The following MKRN1 variants were observed in gnomAD, a reference collection of about 807,000 sequenced individuals.
MKRN1 encodes E3 ubiquitin-protein ligase makorin-1.
In MKRN1, 9 loss-of-function variants were observed where a neutral mutation model predicts 55.5. The ratio of observed to expected loss-of-function variants is 0.16; its 90% CI spans 0.10 to 0.28. The LOEUF (loss-of-function observed/expected upper bound fraction) is 0.28, where lower values mean the gene tolerates loss of function less well. MKRN1 is among the 10% of genes least tolerant of loss of function. The pLI is 1.00. For missense variants in MKRN1, 488 were observed against 626.7 expected (o/e 0.78, Z 2.36); for synonymous variants, 253 against 235.9 (o/e 1.07, Z -0.66).
chr7:140,479,368 G>A lies in MKRN1; in HGVS notation c.-24C>T. The A allele has an allele frequency of 1.6e-6, 2 of 1,280,312 alleles. No homozygotes were observed. The highest frequency in any genetic ancestry group is 2.0e-6 in the Non-Finnish European group (2 of 1,006,708). The allele number at this position is 1,280,312 out of a possible 1,614,324, so 79.3% of individuals were successfully genotyped here. A position where few individuals can be genotyped will look rare whatever the true frequency, so the allele number is the denominator to read the frequency against. Reference sequence around the variant, plus strand: ...ATTACTGTTTATCCCACACAGCAAAGGCCCCGGAACTTCCGGGATCACATA... The same window carrying A: ...ATTACTGTTTATCCCACACAGCAAAAGCCCCGGAACTTCCGGGATCACATA... On this transcript the variant is annotated 5_prime_UTR_variant, in exon 1 of 8. Coordinates refer to ENST00000255977, the MANE Select transcript of MKRN1 (RefSeq NM_013446.4).
chr7:140,467,274 G>A (rs1327593366), intron 2 of MKRN1, among the ~76,000 whole-genome samples: 2 of 150,986 alleles, frequency 1.3e-5, no homozygotes, highest in East Asian at 2.0e-4. Context: ...AAGCCCAGCC[G>A]CCCCCTCCCC....
At chr7:140,474,052 A>AGAAAGAAG (rs1795038053) in intron 1 of MKRN1, among the ~76,000 whole-genome samples, 1 of 126,278 alleles carries the variant, frequency 7.9e-6, no homozygotes. Context: ...AAAGAAAGAA[A>AGAAAGAAG]GAAAGAAAGA....
chr7:140,458,936 C>G, intron 4 of MKRN1, 71 bp downstream of exon 4: 1 of 1,499,854 alleles, frequency 6.7e-7, no homozygotes. Flanking sequence ...CTGAAATAAA[C>G]CCACAATGCT....
chr7:140,474,492 C>CA lies in MKRN1; in HGVS notation c.186-2482dup, dbSNP rs10709936. On this transcript the variant is annotated intron_variant, in intron 1 of 7. Transcript: ENST00000255977. ...GGATCACGCCACTGAGACTCCGTCTCAAAAAAAAAATAAATAAATAAAAGG... is the reference window on the plus strand; with the variant it reads ...GGATCACGCCACTGAGACTCCGTCTCAAAAAAAAAAATAAATAAATAAAAGG... 7.5e-3 allele frequency: 1,986 copies of CA among 265,812 alleles called. 3 individuals carry two copies. The highest frequency in any genetic ancestry group is 0.014 in the African/African-American group (587 of 42,674). 16.5% of individuals were successfully genotyped at this position (265,812 alleles called of 1,614,324 possible). A position where few individuals can be genotyped will look rare whatever the true frequency, so the allele number is the denominator to read the frequency against.
At chr7:140,466,038 G>T (rs756931108) in intron 2 of MKRN1, among the ~76,000 whole-genome samples, 20 of 151,864 alleles carry the variant, frequency 1.3e-4, no homozygotes, top group Non-Finnish European at 1.8e-4. Context: ...CCGAGATCAC[G>T]CCACTGCACT....
At chr7:140,468,551 A>G (rs1043146543) in intron 2 of MKRN1, among the ~76,000 whole-genome samples, 1 of 151,842 alleles carries the variant, frequency 6.6e-6, no homozygotes, top group Non-Finnish European at 1.5e-5. Context: ...AAATGCAAAA[A>G]TTAGCTGGGT....
In MKRN1 at chr7:140,455,862, A is replaced by G; in HGVS notation, c.1025T>C (p.Ile342Thr). 3.1e-6 allele frequency: 5 copies of G among 1,614,134 alleles called. No individual in the cohort carries two copies. Among genetic ancestry groups the G allele is most frequent in the Non-Finnish European group, 4.2e-6 (5 of 1,180,002 alleles). The change falls in exon 6 of 8, where the codon ATT (isoleucine) becomes ACT (threonine). Residue 342 changes from isoleucine to threonine, a missense_variant. Physicochemically the swap from Ile to Thr is moderately conservative, Grantham distance 89. Transcript: ENST00000255977. ...PECRITSNFVIPSEYWVEEKE... is the reference protein window; with the variant it reads ...PECRITSNFVTPSEYWVEEKE... Reference sequence around the variant, plus strand: ...CTCCTCCACCCAGTACTCACTTGGAATGACAAAGTTAGATGTGATCCGGCA... The same window carrying G: ...CTCCTCCACCCAGTACTCACTTGGAGTGACAAAGTTAGATGTGATCCGGCA...
chr7:140,479,358 A>T lies in MKRN1; in HGVS notation c.-14T>A, dbSNP rs1795224874. 7.8e-7 allele frequency: 1 copy of T among 1,287,002 alleles called. No homozygotes were observed. The highest frequency in any genetic ancestry group is 2.7e-5 in the South Asian group (1 of 37,342). 79.7% of individuals were successfully genotyped at this position (1,287,002 alleles called of 1,614,324 possible). On this transcript the variant is annotated 5_prime_UTR_variant, in exon 1 of 8. Coordinates refer to ENST00000255977, the MANE Select transcript of MKRN1 (RefSeq NM_013446.4). ...AGCCTCCGCCATTACTGTTTATCCC[A>T]CACAGCAAAGGCCCCGGAACTTCCG...
At position 140,455,249 on chromosome 7, in the gene MKRN1, T is replaced by C. The variant is rs1335777122; in HGVS notation, c.1098-16A>G. On this transcript the variant is annotated splice_polypyrimidine_tract_variant and intron_variant, in intron 6 of 7. Coordinates refer to ENST00000255977, the MANE Select transcript of MKRN1 (RefSeq NM_013446.4). ...CGCCTTGTTGCTGGAAAGGAAAATATCGCAACCCTTATTCACAGTGGATTT... is the reference window on the plus strand; with the variant it reads ...CGCCTTGTTGCTGGAAAGGAAAATACCGCAACCCTTATTCACAGTGGATTT... 1.9e-6 allele frequency: 3 copies of C among 1,613,972 alleles called. No individual in the cohort carries two copies. Among genetic ancestry groups the C allele is most frequent in the Non-Finnish European group, 2.5e-6 (3 of 1,179,948 alleles).
chr7:140,466,590 G>C lies in MKRN1; in HGVS notation c.314+5293C>G, dbSNP rs528541189. Among the ~76,000 whole-genome samples, 431 of 151,354 alleles carry C rather than the reference G, an allele frequency of 2.8e-3. 3 individuals are homozygous for C. The highest frequency in any genetic ancestry group is 0.01 in the African/African-American group (422 of 41,242). ...GAGGCCGAGGCGGGTGGATCATGAG[G>C]TCAGGAGATCGAGACCATCCTGGCT... On this transcript the variant is annotated intron_variant, in intron 2 of 7. Transcript: ENST00000255977.
chr7:140,477,045 T>TA (rs1173978968), intron 1 of MKRN1, among the ~76,000 whole-genome samples: 2 of 138,832 alleles, frequency 1.4e-5, no homozygotes, highest in African/African-American at 5.6e-5. Context: ...TTGTGGTAAG[T>TA]AGAGATCACA....
intron 4 of MKRN1, among the ~76,000 whole-genome samples, chr7:140,458,336 A>T (rs1794524645): frequency 6.6e-6 from 1 of 152,214 alleles, no homozygotes; most frequent in Admixed American, 6.5e-5. Context: ...CAAAACTAAG[A>T]ACGGCTACAC....
chr7:140,477,014 A>G (rs966903843), intron 1 of MKRN1, among the ~76,000 whole-genome samples: 2 of 151,420 alleles, frequency 1.3e-5, no homozygotes, highest in African/African-American at 4.9e-5. Flanking sequence ...AGGAGAATCA[A>G]TTAAACCTGG....
In MKRN1 at chr7:140,471,871, A is replaced by T; in HGVS notation, c.314+12T>A. On this transcript the variant is annotated intron_variant, in intron 2 of 7. Transcript: ENST00000255977. ...AACCCACCCCTGAACAAATTTATAA[A>T]CAAATTCTTACCTGCAGCGGTCTCC... 6.2e-7 allele frequency: 1 copy of T among 1,611,180 alleles called. No individual in the cohort carries two copies. Among genetic ancestry groups the T allele is most frequent in the Non-Finnish European group, 8.5e-7 (1 of 1,179,198 alleles).
chr7:140,466,499 T>C (rs1472473133), intron 2 of MKRN1, among the ~76,000 whole-genome samples: 1 of 152,120 alleles, frequency 6.6e-6, no homozygotes, highest in African/African-American at 2.4e-5. Context: ...ACCCCGTCTC[T>C]ACAAACAGAA....
intron 2 of MKRN1, among the ~76,000 whole-genome samples, chr7:140,470,802 A>G (rs1430922456): frequency 1.3e-5 from 2 of 151,684 alleles, no homozygotes; most frequent in African/African-American, 4.9e-5. Context: ...ATGTAATCCC[A>G]TCTACTTGGG....
Position 140,463,358 on chromosome 7 carries a change from C to CT in MKRN1, c.315-3423dup, listed in dbSNP as rs1253857683. 4.6e-5 allele frequency among the ~76,000 whole-genome samples: 7 copies of CT among 152,312 alleles called. No homozygotes were observed. In the South Asian group the frequency reaches 6.2e-4, roughly 14 times the overall value. ...ATGGGGTTCTAGGTCTAATGGGACT[C>CT]TAAAGCTGCTCTATACAGTACAGCC... On this transcript the variant is annotated intron_variant, in intron 2 of 7. Coordinates refer to ENST00000255977, the MANE Select transcript of MKRN1 (RefSeq NM_013446.4).
rs1056393310 is a variant in MKRN1, at chr7:140,479,322, C to G, written c.23G>C (p.Gly8Ala). Residue 8 changes from glycine (G) to alanine (A), a missense_variant, in exon 1 of 8, where the codon GGA becomes GCA. By Grantham distance (60) the Gly-to-Ala change is moderately conservative (BLOSUM62 0). Coordinates refer to ENST00000255977, the MANE Select transcript of MKRN1 (RefSeq NM_013446.4). Reference protein sequence around the residue: MAEAATPGTTATTSGAGA... With the variant: MAEAATPATTATTSGAGA... ...TGCTCCTGATGTTGTGGCTGTTGTT[C>G]CGGGAGTTGCAGCCTCCGCCATTAC... 1.8e-5 allele frequency: 24 copies of G among 1,310,316 alleles called. No individual in the cohort carries two copies. Among genetic ancestry groups the G allele is most frequent in the Non-Finnish European group, 2.0e-5 (20 of 1,025,266 alleles). 81.2% of individuals were successfully genotyped at this position (1,310,316 alleles called of 1,614,324 possible). A position where few individuals can be genotyped will look rare whatever the true frequency, so the allele number is the denominator to read the frequency against.
chr7:140,459,075 A>G lies in MKRN1; in HGVS notation c.703T>C (p.Ser235Pro). ...ACCTGCAGCCCACACATGTCACAAG[A>G]ATCTCCGTGGAGATACACACAGTTC... Reference protein sequence around the residue: ...GENCVYLHGDSCDMCGLQVLH... With the variant: ...GENCVYLHGDPCDMCGLQVLH... Residue 235 changes from serine (S) to proline (P), a missense_variant, in exon 4 of 8, where the codon TCT becomes CCT. Coordinates refer to ENST00000255977, the MANE Select transcript of MKRN1 (RefSeq NM_013446.4). 6.2e-7 allele frequency: 1 copy of G among 1,613,952 alleles called. No homozygotes were observed.
Sources: allele counts gnomAD v4.1 joint callset (sites outside exome capture counted in the v4.1 genomes callset), GRCh38; gene constraint gnomAD v4.1.1; transcripts MANE v1.5; gene names NCBI Gene and HGNC (gene_info 2026-07-23, HGNC 2026-07-21).